ARHGEF38: variants seen among roughly 807,000 people sequenced by gnomAD.
ARHGEF38 encodes the protein Rho guanine nucleotide exchange factor (GEF) 38.
Under a neutral mutation model 79.9 loss-of-function variants are expected in ARHGEF38, and 79 were observed. That is an observed-to-expected ratio of 0.99 (90% CI 0.82 to 1.19). ARHGEF38 has a LOEUF of 1.19. Ranked by LOEUF, ARHGEF38 falls within the 50% of genes most tolerant of loss-of-function variation. The pLI, the probability that ARHGEF38 is intolerant of heterozygous loss-of-function variation, is 0.00. For missense variants in ARHGEF38, 962 were observed against 907.2 expected (o/e 1.06, Z -0.78); for synonymous variants, 366 against 328.3 (o/e 1.11, Z -1.24).
intron 2 of ARHGEF38, among the ~76,000 whole-genome samples, chr4:105,600,704 A>G (rs942337221): frequency 6.6e-6 from 1 of 152,144 alleles, no homozygotes; most frequent in African/African-American, 2.4e-5. Flanking sequence ...TCTACAAGCC[A>G]TCTCCAATTT....
At chr4:105,610,270 G>A (rs1419926087) in intron 2 of ARHGEF38, among the ~76,000 whole-genome samples, 1 of 145,392 alleles carries the variant, frequency 6.9e-6, no homozygotes, top group East Asian at 1.9e-4. Context: ...AACCACCATG[G>A]CACATGTATA....
chr4:105,593,333 G>A (rs1351829119), intron 2 of ARHGEF38, among the ~76,000 whole-genome samples: 1 of 152,062 alleles, frequency 6.6e-6, no homozygotes, highest in Admixed American at 6.6e-5. Flanking sequence ...CTTGAGGCCA[G>A]GAGTTCGAGA....
rs576801217 is a variant in ARHGEF38 at position 105,628,545 on chromosome 4, A to G, written c.509-2353A>G. Among the ~76,000 whole-genome samples the G allele has an allele frequency of 7.9e-5, 12 of 152,276 alleles. No homozygotes were observed. In the South Asian group the frequency reaches 2.5e-3, roughly 32 times the overall value. ...TATCAGTGTTGAAGAACAAATCCAT[A>G]TGACCTACACTAGTTGAAGGATGAA... On this transcript the variant is annotated intron_variant, in intron 3 of 13. Transcript: ENST00000420470.
At chr4:105,645,892 T>C (rs933356364) in intron 6 of ARHGEF38, among the ~76,000 whole-genome samples, 3 of 152,206 alleles carry the variant, frequency 2.0e-5, no homozygotes, top group African/African-American at 7.2e-5. Flanking sequence ...TATACTTCTT[T>C]CTAGAATTAG....
At chr4:105,602,508 T>C (rs527329050) in intron 2 of ARHGEF38, among the ~76,000 whole-genome samples, 1 of 152,206 alleles carries the variant, frequency 6.6e-6, no homozygotes, top group Non-Finnish European at 1.5e-5. Context: ...TGGGGCCTGA[T>C]AGAGTTTTAC....
At chr4:105,663,791 G>A (rs535734837) in intron 10 of ARHGEF38, among the ~76,000 whole-genome samples, 27 of 152,162 alleles carry the variant, frequency 1.8e-4, no homozygotes, top group African/African-American at 5.3e-4. Context: ...CCAACATGGC[G>A]AAACCTTGTC....
In ARHGEF38 at chr4:105,680,581, TG is replaced by T. The variant is rs1731275379; in HGVS notation, c.*2645del. 6.6e-6 allele frequency: 1 copy of T among 152,596 alleles called. No individual in the cohort carries two copies. 9.5% of individuals were successfully genotyped at this position (152,596 alleles called of 1,614,324 possible). On this transcript the variant is annotated 3_prime_UTR_variant, in exon 14 of 14. Transcript: ENST00000420470. ...GGGTCTTGTAGCTCATTTTATGACA[TG>T]AAAAAAATCAAGGTCTAAAAGCTCC...
intron 3 of ARHGEF38, among the ~76,000 whole-genome samples, chr4:105,624,640 T>C (rs1049998806): frequency 3.3e-5 from 5 of 152,226 alleles, no homozygotes; most frequent in Non-Finnish European, 5.9e-5. Context: ...TTCTTCTCAC[T>C]TCCTCTCCTT....
chr4:105,628,895 C>A (rs1407131781), intron 3 of ARHGEF38, among the ~76,000 whole-genome samples: 1 of 152,124 alleles, frequency 6.6e-6, no homozygotes, highest in Non-Finnish European at 1.5e-5. Context: ...CTAGAGGTAG[C>A]AAAGCAACCT....
At chr4:105,565,525 T>G (rs1725844958) in intron 1 of ARHGEF38, among the ~76,000 whole-genome samples, 1 of 151,326 alleles carries the variant, frequency 6.6e-6, no homozygotes, top group Non-Finnish European at 1.5e-5. Flanking sequence ...TATCTGGGGG[T>G]TTCGTAATGA....
chr4:105,681,407 T>G (rs935280852), downstream of ARHGEF38, among the ~76,000 whole-genome samples: 13 of 152,252 alleles, frequency 8.5e-5, no homozygotes, highest in African/African-American at 3.1e-4. Flanking sequence ...AGTTTGAGAT[T>G]AGAGATTTGT....
chr4:105,643,140 T>TTTTTTTCAGTATAAATACTGAAAACAG, intron 5 of ARHGEF38, among the ~76,000 whole-genome samples: 1 of 151,820 alleles, frequency 6.6e-6, no homozygotes, highest in Non-Finnish European at 1.5e-5. Flanking sequence ...TTAGTTTTTT[T>TTTTTTTCAGTATAAATACTGAAAACAG]TTTTCAGTAT....
At chr4:105,655,304 A>G (rs1730275581) in intron 8 of ARHGEF38, among the ~76,000 whole-genome samples, 1 of 152,234 alleles carries the variant, frequency 6.6e-6, no homozygotes, top group Non-Finnish European at 1.5e-5. Flanking sequence ...TTTTTAAAAT[A>G]AGAAATTTGT....
intron 1 of ARHGEF38, 121 bp from the exon 2 acceptor site, chr4:105,589,127 C>T: frequency 1.4e-6 from 1 of 735,082 alleles, no homozygotes; most frequent in Non-Finnish European, 2.2e-6. Context: ...CCTAAGAAAA[C>T]ATCATGAGGA....
chr4:105,606,755 C>CA (rs1309396225), intron 2 of ARHGEF38, among the ~76,000 whole-genome samples: 3 of 151,170 alleles, frequency 2.0e-5, no homozygotes, highest in African/African-American at 4.9e-5. Context: ...GTTGTTAAGG[C>CA]AAAAAAAATT....
chr4:105,607,968 TA>T (rs112085368), intron 2 of ARHGEF38, among the ~76,000 whole-genome samples: 4 of 151,410 alleles, frequency 2.6e-5, no homozygotes, highest in East Asian at 3.9e-4. Flanking sequence ...GGCTTCTATT[TA>T]AAAAAAAATG....
intron 4 of ARHGEF38, chr4:105,633,086 C>A (rs1729260782): frequency 6.6e-6 from 1 of 152,664 alleles, no homozygotes. Context: ...TGGCCATGCC[C>A]CAAATTTTGA....
chr4:105,607,690 G>A (rs1040393712), intron 2 of ARHGEF38, among the ~76,000 whole-genome samples: 17 of 152,200 alleles, frequency 1.1e-4, no homozygotes, highest in Non-Finnish European at 2.9e-5. Context: ...ATGTTTCCTA[G>A]AGAAAGTAAC....
At chr4:105,568,003 A>G (rs1200332152) in intron 1 of ARHGEF38, among the ~76,000 whole-genome samples, 17 of 140,154 alleles carry the variant, frequency 1.2e-4, no homozygotes, top group Middle Eastern at 3.9e-3. Context: ...TCATTGTTCA[A>G]TTCTCACCTA....
Sources: allele counts gnomAD v4.1 joint callset (sites outside exome capture counted in the v4.1 genomes callset), GRCh38; gene constraint gnomAD v4.1.1; transcripts MANE v1.5; gene names NCBI Gene and HGNC (gene_info 2026-07-23, HGNC 2026-07-21).